The following RYR3 variants were observed in gnomAD, a reference collection of about 807,000 sequenced individuals.
RYR3 encodes the protein brain ryanodine receptor-calcium release channel.
RYR3 carries 207 observed loss-of-function variants against 584.3 expected under a neutral mutation model. The ratio of observed to expected loss-of-function variants is 0.35; its 90% confidence interval spans 0.32 to 0.40. RYR3 has a LOEUF of 0.40. RYR3 is among the 10% of genes least tolerant of loss of function. The pLI is 1.00. For synonymous variants in RYR3, 2,416 were observed against 2,248.5 expected, an observed-to-expected ratio of 1.07 and a Z score of -2.11; for missense variants, 5,616 against 6,089.2, an observed-to-expected ratio of 0.92 and a Z score of 2.59.
chr15:33,435,472 T>G (rs1596124213), intron 1 of RYR3, among the ~76,000 whole-genome samples: 1 of 152,232 alleles, frequency 6.6e-6, no homozygotes, highest in African/African-American at 2.4e-5. Flanking sequence ...TGTATGTGTG[T>G]GTGTGCTATT....
chr15:33,588,082 A>G (rs1434440373), intron 16 of RYR3, among the ~76,000 whole-genome samples: 1 of 152,264 alleles, frequency 6.6e-6, no homozygotes, highest in African/African-American at 2.4e-5. Context: ...AACAACAGTA[A>G]TGATAACCAG....
At position 33,826,267 on chromosome 15, in the gene RYR3, G is replaced by A. The variant is rs765197731; in HGVS notation, c.11162G>A (p.Arg3721His). The change falls in exon 83 of 104, where the codon CGT becomes CAT. Residue 3721 changes from arginine to histidine, a missense_variant and splice_region_variant. Around this residue, in one of 9 missense-constraint regions of RYR3, gnomAD observed 954 missense variants for 1,132.2 expected, o/e 0.84. Transcript: ENST00000634891. ...TCATTACCAGTCATTGTTCGGGAAC[G>A]TGGTAAGTTTCAGTTTCTGGCCTGA... ...TEEGTLIVRERGEKVLQNDEF... is the reference protein window; with the variant it reads ...TEEGTLIVREHGEKVLQNDEF... 5 of 1,613,772 alleles carry A rather than the reference G, an allele frequency of 3.1e-6. No individual in the cohort carries two copies. The East Asian group carries it at 6.7e-5, about 22-fold the overall frequency.
intron 38 of RYR3, among the ~76,000 whole-genome samples, chr15:33,682,385 C>T (rs1451641722): frequency 1.3e-5 from 2 of 151,878 alleles, no homozygotes; most frequent in African/African-American, 4.8e-5. Context: ...AAATATCCCT[C>T]AGGCATCAAG....
intron 1 of RYR3, among the ~76,000 whole-genome samples, chr15:33,444,336 T>TA (rs2046449734): frequency 6.6e-6 from 1 of 152,172 alleles, no homozygotes; most frequent in Non-Finnish European, 1.5e-5. Flanking sequence ...ACCAAAGGTT[T>TA]AAGAAATATT....
In RYR3 at chr15:33,644,488, T is replaced by C. The variant is rs547226291; in HGVS notation, c.3734T>C (p.Val1245Ala). The change falls in exon 28 of 104, where the codon GTC becomes GCC. Residue 1245 changes from valine to alanine, a missense_variant. This residue lies in a region of RYR3 where 753 missense variants were observed against 741.0 expected (regional missense o/e 1.02). Transcript: ENST00000634891. ...TTCAGCAAGCGCCTCCCGACGTTTG[T>C]CAACGTGCCAAAGGATCATCCACAC... ...MWFSKRLPTF[V>A]NVPKDHPHIE... The C allele has an allele frequency of 3.7e-6, 6 of 1,613,846 alleles. No individual in the cohort carries two copies. The South Asian group carries it at 6.6e-5, about 18-fold the overall frequency.
At chr15:33,370,961 C>T (rs2040289520) in intron 1 of RYR3, among the ~76,000 whole-genome samples, 1 of 152,170 alleles carries the variant, frequency 6.6e-6, no homozygotes, top group African/African-American at 2.4e-5. Context: ...TCTGTTTTGT[C>T]CCTCACTTGA....
At chr15:33,507,835 C>G (rs2052609967) in intron 3 of RYR3, among the ~76,000 whole-genome samples, 1 of 152,140 alleles carries the variant, frequency 6.6e-6, no homozygotes, top group Non-Finnish European at 1.5e-5. Flanking sequence ...CTTCAAGATG[C>G]AATCTATCTC....
intron 38 of RYR3, among the ~76,000 whole-genome samples, chr15:33,685,043 G>A (rs542351855): frequency 3.1e-4 from 47 of 152,268 alleles, no homozygotes; most frequent in African/African-American, 1.1e-3. Flanking sequence ...TCAATTAACA[G>A]GCAAAATAAC....
In RYR3 at chr15:33,412,850, G is replaced by A. The variant is rs528101719; in HGVS notation, c.52-60569G>A. 2.0e-5 allele frequency among the ~76,000 whole-genome samples: 3 copies of A among 152,308 alleles called. No individual in the cohort carries two copies. Among genetic ancestry groups the A allele is most frequent in the African/African-American group, 7.2e-5 (3 of 41,576 alleles). ...TTTGTATGCATTTGTGTCATGCAAAGGAGGAGGAAAACCAGTCTTCCTGGG... is the reference window on the plus strand; with the variant it reads ...TTTGTATGCATTTGTGTCATGCAAAAGAGGAGGAAAACCAGTCTTCCTGGG... On this transcript the variant is annotated intron_variant, in intron 1 of 103. Transcript: ENST00000634891. This position sits in a 1 kb window ranked among gnomAD's most constrained non-coding sequence, Gnocchi z 4.3.
intron 12 of RYR3, among the ~76,000 whole-genome samples, chr15:33,572,842 C>T (rs528368760): frequency 7.2e-4 from 110 of 152,046 alleles, no homozygotes; most frequent in African/African-American, 2.5e-3. Context: ...GGCATAGTGG[C>T]GCATGCCTGT....
At chr15:33,350,704 G>A (rs187019837) in intron 1 of RYR3, among the ~76,000 whole-genome samples, 22 of 151,298 alleles carry the variant, frequency 1.5e-4, no homozygotes, top group African/African-American at 5.4e-4. Flanking sequence ...GATGTTCTTT[G>A]AAACCAACGA....
intron 77 of RYR3, among the ~76,000 whole-genome samples, chr15:33,820,064 A>G (rs2077031310): frequency 6.6e-6 from 1 of 152,220 alleles, no homozygotes; most frequent in South Asian, 2.1e-4. Context: ...AGCCAGCTAA[A>G]TGGGGCTTAG....
intron 22 of RYR3, 38 bp downstream of exon 22, chr15:33,630,081 A>G (rs1195953495): frequency 8.5e-7 from 1 of 1,177,676 alleles, no homozygotes; most frequent in South Asian, 1.4e-5. Flanking sequence ...ACAAACAATG[A>G]ATAGATGATT....
intron 1 of RYR3, among the ~76,000 whole-genome samples, chr15:33,455,249 G>A (rs575741874): frequency 1.3e-5 from 2 of 152,290 alleles, no homozygotes; most frequent in East Asian, 3.9e-4. Context: ...TGTGAGTTTT[G>A]GATGAACTGA....
intron 16 of RYR3, among the ~76,000 whole-genome samples, chr15:33,588,644 C>G (rs2058975983): frequency 6.6e-6 from 1 of 152,188 alleles, no homozygotes; most frequent in Admixed American, 6.5e-5. Context: ...TATCACTCCA[C>G]TCTCTATGTC....
At chr15:33,654,948 A>G (rs1286613645) in intron 32 of RYR3, among the ~76,000 whole-genome samples, 1 of 152,180 alleles carries the variant, frequency 6.6e-6, no homozygotes, top group Non-Finnish European at 1.5e-5. Context: ...CAGAGTAGCC[A>G]CCTCCCATCT....
rs150468835 is a variant in RYR3, at chr15:33,418,485, G to A, written c.52-54934G>A. 2.2e-3 allele frequency among the ~76,000 whole-genome samples: 339 copies of A among 152,238 alleles called. 1 individual carries two copies. The highest frequency in any genetic ancestry group is 7.8e-3 in the African/African-American group (325 of 41,552). On this transcript the variant is annotated intron_variant, in intron 1 of 103. Transcript: ENST00000634891. ...AAAAAAGCACAAGGGAAGATGGTGAGAAATGGAAGAGCTGGACAGAGTGGG... is the reference window on the plus strand; with the variant it reads ...AAAAAAGCACAAGGGAAGATGGTGAAAAATGGAAGAGCTGGACAGAGTGGG...
chr15:33,793,034 T>G (rs1034519974), intron 67 of RYR3, among the ~76,000 whole-genome samples: 5 of 152,230 alleles, frequency 3.3e-5, no homozygotes, highest in Non-Finnish European at 7.3e-5. Flanking sequence ...CCCAGCGAAC[T>G]GCAAATTCCA....
At position 33,801,980 on chromosome 15, in the gene RYR3, A is replaced by G. The variant is rs771039427; in HGVS notation, c.10011+19A>G. 35 of 1,462,690 alleles carry G rather than the reference A, an allele frequency of 2.4e-5. No individual in the cohort carries two copies. Among genetic ancestry groups the G allele is most frequent in the Middle Eastern group, 1.7e-4 (1 of 5,826 alleles). The allele number at this position is 1,462,690 out of a possible 1,614,324, so 90.6% of individuals were successfully genotyped here. On this transcript the variant is annotated intron_variant, in intron 69 of 103. Transcript: ENST00000634891. ...GTCAAAAGTAAGTCCTTAGAAATCA[A>G]TTCCAAAAACTCTTCAACCCTAACC...
Sources: allele counts gnomAD v4.1 joint callset (sites outside exome capture counted in the v4.1 genomes callset), GRCh38; gene constraint gnomAD v4.1.1; regional missense constraint gnomAD v4.1.1; non-coding constraint Gnocchi (gnomAD v3.1); transcripts MANE v1.5; gene names NCBI Gene and HGNC (gene_info 2026-07-23, HGNC 2026-07-21).